The following TNFAIP8L3 variants were observed in gnomAD, a reference collection of about 807,000 sequenced individuals.
The protein encoded by TNFAIP8L3 is tumor necrosis factor alpha-induced protein 8-like protein 3.
In TNFAIP8L3, 7 loss-of-function variants were observed where a neutral mutation model predicts 11.8. The ratio of observed to expected loss-of-function variants is 0.59; its 90% CI spans 0.34 to 1.11. The LOEUF is 1.11. TNFAIP8L3 is among the 50% of genes most tolerant of loss of function. The pLI is 0.03. For synonymous variants in TNFAIP8L3, 98 were observed against 103.8 expected, an observed-to-expected ratio of 0.94 and a Z score of 0.34; for missense variants, 219 against 258.6, an observed-to-expected ratio of 0.85 and a Z score of 1.05.
At chr15:51,091,947 A>T (rs1207581058) in intron 1 of TNFAIP8L3, among the ~76,000 whole-genome samples, 1 of 152,238 alleles carries the variant, frequency 6.6e-6, no homozygotes. Flanking sequence ...GATTACCAGG[A>T]ACACCTCTCG....
intron 1 of TNFAIP8L3, among the ~76,000 whole-genome samples, chr15:51,072,207 C>G (rs1364342676): frequency 6.6e-6 from 1 of 152,110 alleles, no homozygotes; most frequent in Non-Finnish European, 1.5e-5. Context: ...ATGGCACGAT[C>G]TCGGCTCACC....
chr15:51,058,542 A>G, intron 1 of TNFAIP8L3, 99 bp from the exon 2 acceptor site: 1 of 1,130,498 alleles, frequency 8.8e-7, no homozygotes, highest in South Asian at 1.8e-5. Flanking sequence ...ATGTTCTTAG[A>G]GCAAAAACTC....
intron 1 of TNFAIP8L3, among the ~76,000 whole-genome samples, chr15:51,101,787 A>G (rs539629293): frequency 3.3e-5 from 5 of 151,216 alleles, no homozygotes; most frequent in Non-Finnish European, 7.4e-5. Context: ...TCTACTGAAG[A>G]TACAAAAAAT....
chr15:51,064,280 G>A (rs925847247), intron 1 of TNFAIP8L3, among the ~76,000 whole-genome samples: 3 of 152,112 alleles, frequency 2.0e-5, no homozygotes, highest in Non-Finnish European at 4.4e-5. Flanking sequence ...CACTTGTCCT[G>A]TTAGATGCTC....
intron 1 of TNFAIP8L3, among the ~76,000 whole-genome samples, chr15:51,066,168 T>C (rs1342388158): frequency 6.7e-6 from 1 of 149,962 alleles, no homozygotes; most frequent in Non-Finnish European, 1.5e-5. Flanking sequence ...TCTTTCCTTT[T>C]TTTTTTTTTT....
chr15:51,105,201 A>G (rs1267036586), exon 1 of TNFAIP8L3: 2 of 1,610,346 alleles, frequency 1.2e-6, no homozygotes, highest in Admixed American at 1.7e-5. Flanking sequence ...CCTTCTTGGG[A>G]CAGTAGCCCT....
At chr15:51,072,784 C>T (rs1408405382) in intron 1 of TNFAIP8L3, among the ~76,000 whole-genome samples, 4 of 151,990 alleles carry the variant, frequency 2.6e-5, no homozygotes, top group Non-Finnish European at 4.4e-5. Context: ...TTATTAGACT[C>T]TGGTCTATTT....
At chr15:51,091,045 C>A (rs1366464506) in intron 1 of TNFAIP8L3, among the ~76,000 whole-genome samples, 1 of 152,160 alleles carries the variant, frequency 6.6e-6, no homozygotes, top group African/African-American at 2.4e-5. Flanking sequence ...GGTGGGTTTG[C>A]CAAAGGAAAG....
At chr15:51,061,621 T>A (rs200142173) in intron 1 of TNFAIP8L3, among the ~76,000 whole-genome samples, 2 of 152,178 alleles carry the variant, frequency 1.3e-5, no homozygotes, top group Non-Finnish European at 2.9e-5. Flanking sequence ...TTTAACTTCA[T>A]GTATGTGCTT....
intron 1 of TNFAIP8L3, among the ~76,000 whole-genome samples, chr15:51,085,620 TC>T (rs748796822): frequency 1.4e-5 from 2 of 142,420 alleles, no homozygotes; most frequent in Non-Finnish European, 3.2e-5. Context: ...TAGCTCCGAT[TC>T]TTTTTTTTTT....
upstream of TNFAIP8L3, among the ~76,000 whole-genome samples, chr15:51,096,908 A>G (rs1345493970): frequency 3.3e-5 from 5 of 151,622 alleles, no homozygotes; most frequent in Admixed American, 6.6e-5. Context: ...AAAAAAAAAA[A>G]AAAAGAAAGA....
rs1567292342 is a variant in TNFAIP8L3, at chr15:51,079,874, A to AAAAAAG, written c.52+14664_52+14669dup. Among the ~76,000 whole-genome samples the AAAAAAG allele has an allele frequency of 8.8e-5, 13 of 147,432 alleles. 1 individual carries two copies. Among genetic ancestry groups the AAAAAAG allele is most frequent in the Non-Finnish European group, 1.3e-4 (9 of 67,096 alleles). ...TTGTCTCAAAAAAAAAAAAAAAAAA[A>AAAAAAG]AAAAAGAAAGAAAGAAAAAAAAGAA... On this transcript the variant is annotated intron_variant, in intron 1 of 1. Transcript: ENST00000637513.
At chr15:51,095,211 A>C (rs1595621104), upstream of TNFAIP8L3, among the ~76,000 whole-genome samples, 1 of 83,618 alleles carries the variant, frequency 1.2e-5, no homozygotes, top group Admixed American at 1.8e-4. Context: ...TAGGAAGATG[A>C]GGGAAGGGGG....
upstream of TNFAIP8L3, among the ~76,000 whole-genome samples, chr15:51,095,295 G>A (rs953359737): frequency 2.3e-4 from 32 of 140,570 alleles, no homozygotes; most frequent in Non-Finnish European, 1.9e-4. Flanking sequence ...GGGGTGGGGG[G>A]AGATGACAGT....
chr15:51,091,676 G>GCACACACACACACA (rs3077947), intron 1 of TNFAIP8L3, among the ~76,000 whole-genome samples: 2 of 144,014 alleles, frequency 1.4e-5, no homozygotes, highest in Admixed American at 6.9e-5. Context: ...ACCTCCTCAA[G>GCACACACACACACA]CACACACACA....
At chr15:51,081,733 T>G (rs1335760456) in intron 1 of TNFAIP8L3, among the ~76,000 whole-genome samples, 1 of 152,218 alleles carries the variant, frequency 6.6e-6, no homozygotes, top group Non-Finnish European at 1.5e-5. Context: ...TCCCTGAGTC[T>G]CGGCACATCA....
intron 1 of TNFAIP8L3, among the ~76,000 whole-genome samples, chr15:51,086,982 G>A (rs2065433025): frequency 6.6e-6 from 1 of 151,566 alleles, no homozygotes; most frequent in Non-Finnish European, 1.5e-5. Context: ...TCTGCCTCCC[G>A]AGTTCAAGCA....
intron 1 of TNFAIP8L3, among the ~76,000 whole-genome samples, chr15:51,087,977 T>A (rs1378727382): frequency 7.4e-6 from 1 of 134,324 alleles, no homozygotes; most frequent in Non-Finnish European, 1.6e-5. Flanking sequence ...CCTGATATGA[T>A]TTTTTGGATT....
At chr15:51,079,592 T>C (rs1289900760) in intron 1 of TNFAIP8L3, among the ~76,000 whole-genome samples, 1 of 152,222 alleles carries the variant, frequency 6.6e-6, no homozygotes, top group Admixed American at 6.5e-5. Flanking sequence ...CACTCTCACC[T>C]GGGAATGGTT....
Sources: gnomAD v4.1 joint callset for allele counts (sites outside exome capture counted in the v4.1 genomes callset) on GRCh38, gnomAD v4.1.1 for gene constraint, MANE v1.5 for transcripts, NCBI Gene and HGNC (gene_info 2026-07-23, HGNC 2026-07-21) for gene names.